The following MYZAP variants were observed in gnomAD, a reference collection of about 807,000 sequenced individuals.
MYZAP encodes the protein GRINL1A complex locus upstream.
A neutral mutation model predicts 69.4 loss-of-function variants in MYZAP; 66 were observed. That is an observed-to-expected ratio of 0.95 (90% CI 0.78 to 1.17). The LOEUF is 1.17. Among genes scored for constraint, MYZAP ranks in the 50% most tolerant of loss-of-function variants. The pLI is 0.00. For synonymous variants in MYZAP, 256 were observed against 205.9 expected (o/e 1.24, Z -2.09); for missense variants, 611 against 556.2 (o/e 1.10, Z -0.99).
intron 9 of MYZAP, among the ~76,000 whole-genome samples, chr15:57,638,207 A>T (rs1353050665): frequency 3.3e-5 from 5 of 152,212 alleles, no homozygotes; most frequent in African/African-American, 7.2e-5. Context: ...ATAAAGCCCT[A>T]CATGAAAAAC....
At chr15:57,648,376 C>T (rs914919105) in intron 10 of MYZAP, 16 of 985,416 alleles carry the variant, frequency 1.6e-5, no homozygotes, top group Non-Finnish European at 1.9e-5. Flanking sequence ...GTTTCTCAGA[C>T]ACCTGGTGCC....
At chr15:57,611,577 G>A (rs2140358304) in intron 2 of MYZAP, among the ~76,000 whole-genome samples, 1 of 152,162 alleles carries the variant, frequency 6.6e-6, no homozygotes, top group South Asian at 2.1e-4. Flanking sequence ...CTATCAGGCT[G>A]CTATCATTAC....
intron 2 of MYZAP, 126 bp from the exon 3 acceptor site, chr15:57,617,901 CCTCCAT>C (rs2035573198): frequency 7.9e-7 from 1 of 1,268,002 alleles, no homozygotes; most frequent in Non-Finnish European, 1.0e-6. Flanking sequence ...ATTTTTGCTC[CCTCCAT>C]CTCCACTGCC....
chr15:57,606,362 A>C (rs1167871248), intron 2 of MYZAP, among the ~76,000 whole-genome samples: 1 of 152,216 alleles, frequency 6.6e-6, no homozygotes, highest in Non-Finnish European at 1.5e-5. Context: ...CAGAAAACCA[A>C]AATGTGGGAC....
intron 3 of MYZAP, among the ~76,000 whole-genome samples, chr15:57,618,755 A>C (rs1301500913): frequency 6.6e-6 from 1 of 152,216 alleles, no homozygotes; most frequent in African/African-American, 2.4e-5. Flanking sequence ...CATCCAGAGC[A>C]ATTGTTAACA....
At chr15:57,648,450 C>T (rs927721979) in intron 10 of MYZAP, 7 of 985,300 alleles carry the variant, frequency 7.1e-6, no homozygotes, top group East Asian at 1.1e-4. Context: ...CTACCAGTCA[C>T]GAATGCTTCT....
At chr15:57,659,175 C>T (rs563693884) in intron 10 of MYZAP, among the ~76,000 whole-genome samples, 32 of 151,990 alleles carry the variant, frequency 2.1e-4, no homozygotes, top group Non-Finnish European at 4.1e-4. Context: ...TCAGAATGTT[C>T]CATCCTTGGC....
At chr15:57,637,275 C>A (rs1474161605) in intron 8 of MYZAP, among the ~76,000 whole-genome samples, 1 of 152,208 alleles carries the variant, frequency 6.6e-6, no homozygotes, top group Non-Finnish European at 1.5e-5. Flanking sequence ...CAAGTGAATA[C>A]ACCTGTGTAA....
intron 12 of MYZAP, among the ~76,000 whole-genome samples, chr15:57,676,418 ATGTG>A (rs1192619385): frequency 0.03 from 635 of 21,338 alleles, 7 homozygotes; most frequent in African/African-American, 0.047. Context: ...ATGTATATAT[ATGTG>A]TATATATATA....
chr15:57,629,690 T>C lies in MYZAP; in HGVS notation c.526-12T>C. ...ACCGGATCTGGTTTTGTTTTTATTT[T>C]CATCCTCACAGAAAACCCTCGTGGA... On this transcript the variant is annotated splice_polypyrimidine_tract_variant and intron_variant, in intron 5 of 12. Transcript: ENST00000267853. 1 of 1,604,394 alleles carries C rather than the reference T, an allele frequency of 6.2e-7. No individual in the cohort carries two copies. The highest frequency in any genetic ancestry group is 8.5e-7 in the Non-Finnish European group (1 of 1,176,990).
intron 4 of MYZAP, among the ~76,000 whole-genome samples, chr15:57,623,726 C>A: frequency 7.5e-6 from 1 of 132,794 alleles, no homozygotes. Flanking sequence ...GAGTGAGACC[C>A]TGTTTCAAAA....
At chr15:57,681,658 G>T (rs545972195) in intron 12 of MYZAP, among the ~76,000 whole-genome samples, 3 of 152,104 alleles carry the variant, frequency 2.0e-5, no homozygotes, top group Non-Finnish European at 4.4e-5. Flanking sequence ...CATGGCACGC[G>T]CCTGTAATCC....
intron 9 of MYZAP, among the ~76,000 whole-genome samples, chr15:57,638,597 C>CT (rs2036953889): frequency 6.6e-6 from 1 of 152,188 alleles, no homozygotes; most frequent in South Asian, 2.1e-4. Flanking sequence ...ACCACCAGAC[C>CT]TTTCCTCCAG....
intron 4 of MYZAP, among the ~76,000 whole-genome samples, chr15:57,622,350 G>A (rs2035870622): frequency 6.6e-6 from 1 of 152,084 alleles, no homozygotes; most frequent in East Asian, 1.9e-4. Flanking sequence ...CCACATTACT[G>A]TACCATTTTA....
At chr15:57,648,451 G>A (rs939184069) in intron 10 of MYZAP, 9 of 985,346 alleles carry the variant, frequency 9.1e-6, no homozygotes, top group Non-Finnish European at 1.1e-5. Flanking sequence ...TACCAGTCAC[G>A]AATGCTTCTC....
Position 57,632,500 on chromosome 15 carries a change from T to C in MYZAP, c.745T>C (p.Tyr249His). ...REMTKKLYSQYEEKLQEEQRK... is the reference protein window; with the variant it reads ...REMTKKLYSQHEEKLQEEQRK... ...GATGACCAAGAAGCTGTACAGCCAG[T>C]ATGAGGAGAAGCTGCAGGAAGAACA... Residue 249 changes from tyrosine to histidine, a missense_variant, in exon 7 of 13, where the codon TAT becomes CAT. Physicochemically the swap from Tyr to His is moderately conservative, Grantham distance 83. Coordinates refer to ENST00000267853, the MANE Select transcript of MYZAP (RefSeq NM_001018100.5). 1 of 1,614,074 alleles carries C rather than the reference T, an allele frequency of 6.2e-7. No homozygotes were observed. Among genetic ancestry groups the C allele is most frequent in the Admixed American group, 1.7e-5 (1 of 60,016 alleles).
chr15:57,665,540 G>T (rs770533039), intron 11 of MYZAP, among the ~76,000 whole-genome samples: 34 of 152,206 alleles, frequency 2.2e-4, no homozygotes, highest in Non-Finnish European at 3.7e-4. Flanking sequence ...TCAGATTGAA[G>T]AGCCTTGGCT....
At chr15:57,649,048 A>G (rs76405870) in intron 10 of MYZAP, among the ~76,000 whole-genome samples, 1 of 151,936 alleles carries the variant, frequency 6.6e-6, no homozygotes, top group Non-Finnish European at 1.5e-5. Context: ...TTTGCAACTT[A>G]TTTCTCAGTT....
chr15:57,656,489 C>A (rs1234421038), intron 10 of MYZAP, among the ~76,000 whole-genome samples: 1 of 152,212 alleles, frequency 6.6e-6, no homozygotes, highest in African/African-American at 2.4e-5. Flanking sequence ...ATACCAGCCA[C>A]ACAAGTGTGT....
Sources: allele counts gnomAD v4.1 joint callset (sites outside exome capture counted in the v4.1 genomes callset), GRCh38; gene constraint gnomAD v4.1.1; transcripts MANE v1.5; gene names NCBI Gene and HGNC (gene_info 2026-07-23, HGNC 2026-07-21).